The following CSMD1 variants were observed in gnomAD, a reference collection of about 807,000 sequenced individuals.
CSMD1 encodes CUB and sushi domain-containing protein 1.
A neutral mutation model predicts 417.5 loss-of-function variants in CSMD1; 213 were observed. The ratio of observed to expected loss-of-function variants is 0.51; its 90% confidence interval spans 0.46 to 0.57. The LOEUF (loss-of-function observed/expected upper bound fraction) is 0.57, where lower values mean the gene tolerates loss of function less well. CSMD1 is among the 20% of genes least tolerant of loss of function. The pLI is 0.00. For synonymous variants in CSMD1, 2,862 were observed against 1,736.8 expected (o/e 1.65, Z -16.11); for missense variants, 6,923 against 4,529.7 (o/e 1.53, Z -15.17).
intron 2 of CSMD1, among the ~76,000 whole-genome samples, chr8:4,453,480 G>T (rs565077957): frequency 8.5e-5 from 13 of 152,272 alleles, no homozygotes; most frequent in African/African-American, 3.1e-4. Context: ...AAGTCTGGCT[G>T]AATTCAAAGC....
intron 50 of CSMD1, among the ~76,000 whole-genome samples, chr8:3,043,103 G>T (rs750780682): frequency 1.3e-5 from 2 of 148,394 alleles, no homozygotes; most frequent in Non-Finnish European, 3.0e-5. Flanking sequence ...TACAGTACTA[G>T]GTCACTATGG....
At chr8:3,730,050 G>C (rs1035814421) in intron 6 of CSMD1, among the ~76,000 whole-genome samples, 1 of 150,812 alleles carries the variant, frequency 6.6e-6, no homozygotes, top group East Asian at 1.9e-4. Context: ...GTTTCCACAG[G>C]TCCTCTACCT....
intron 10 of CSMD1, among the ~76,000 whole-genome samples, chr8:3,539,428 T>C (rs911337087): frequency 6.6e-6 from 1 of 152,206 alleles, no homozygotes; most frequent in Non-Finnish European, 1.5e-5. Context: ...CATTAGATTA[T>C]ACATCATGAT....
At chr8:3,713,595 C>T (rs1585119691) in intron 6 of CSMD1, among the ~76,000 whole-genome samples, 1 of 152,284 alleles carries the variant, frequency 6.6e-6, no homozygotes, top group Middle Eastern at 3.4e-3. Flanking sequence ...GTATCTTCTG[C>T]TCTTAATACA....
chr8:4,536,127 G>A (rs917304410), intron 2 of CSMD1, among the ~76,000 whole-genome samples: 3 of 152,126 alleles, frequency 2.0e-5, no homozygotes, highest in African/African-American at 7.2e-5. Context: ...ACTTGACAAG[G>A]TTCCTTTCTG....
At chr8:4,931,409 G>T (rs568455323) in intron 1 of CSMD1, among the ~76,000 whole-genome samples, 1 of 152,190 alleles carries the variant, frequency 6.6e-6, no homozygotes, top group East Asian at 1.9e-4. Context: ...ACTGACTCGG[G>T]TCTTTGCTGG....
intron 2 of CSMD1, among the ~76,000 whole-genome samples, chr8:4,505,941 G>A (rs1802502508): frequency 6.6e-6 from 1 of 152,044 alleles, no homozygotes; most frequent in Admixed American, 6.6e-5. Context: ...TGGGATTACA[G>A]GTGCATGTCA....
chr8:3,795,305 TATCTATCATGTACAGATATAG>T (rs1800007633), intron 5 of CSMD1, among the ~76,000 whole-genome samples: 1 of 69,374 alleles, frequency 1.4e-5, no homozygotes, highest in Non-Finnish European at 2.7e-5. Context: ...CAGATATATA[TATCTATCATGTACAGATATAG>T]ATATCTATCA....
At chr8:3,126,440 T>C (rs1444463725) in intron 41 of CSMD1, among the ~76,000 whole-genome samples, 5 of 152,156 alleles carry the variant, frequency 3.3e-5, no homozygotes, top group South Asian at 2.1e-4. Context: ...CTACAGAGAA[T>C]AGGGCTGCAG....
chr8:3,497,922 T>C (rs547226924), intron 10 of CSMD1, among the ~76,000 whole-genome samples: 20 of 152,344 alleles, frequency 1.3e-4, no homozygotes, highest in African/African-American at 4.6e-4. Flanking sequence ...TTCACAATGG[T>C]GGTTATCACC....
At position 3,106,559 on chromosome 8, in the gene CSMD1, C is replaced by G; in HGVS notation, c.6918G>C (p.Leu2306Phe). The G allele has an allele frequency of 6.2e-7, 1 of 1,613,738 alleles. No homozygotes were observed. The highest frequency in any genetic ancestry group is 8.5e-7 in the Non-Finnish European group (1 of 1,179,736). The change falls in exon 46 of 70, where the codon TTG becomes TTC. Residue 2306 changes from leucine (L) to phenylalanine (F), a missense_variant. Coordinates refer to ENST00000635120, the MANE Select transcript of CSMD1 (RefSeq NM_033225.6). ...ATGTTGGGAGAGAACCCTCAAACTG[C>G]AACTGGGAACTGAGCTTGCAAGTCA... ...DILTCKLSSQLQFEGSLPTCE... is the reference protein window; with the variant it reads ...DILTCKLSSQFQFEGSLPTCE...
At chr8:3,764,752 T>A (rs1178764645) in intron 5 of CSMD1, among the ~76,000 whole-genome samples, 1 of 150,364 alleles carries the variant, frequency 6.7e-6, no homozygotes, top group Non-Finnish European at 1.5e-5. Flanking sequence ...TTTTTTTTTT[T>A]TTTTTTTATT....
In CSMD1 at chr8:3,795,116, A is replaced by ATAGC. The variant is rs1554439935; in HGVS notation, c.819-41075_819-41074insGCTA. Among the ~76,000 whole-genome samples the ATAGC allele has an allele frequency of 2.5e-4, 18 of 71,218 alleles. 1 individual carries two copies. Among genetic ancestry groups the ATAGC allele is most frequent in the African/African-American group, 2.8e-4 (5 of 18,014 alleles). 46.7% of individuals were successfully genotyped at this position (71,218 alleles called of 152,430 possible). ...ATATATCTATCATGTACAGCTATAG[A>ATAGC]TATCTATCATGTACAGCTATAGATA... is the stretch of plus-strand genomic sequence containing the variant. On this transcript the variant is annotated intron_variant, in intron 5 of 69. Transcript: ENST00000635120.
At position 4,257,029 on chromosome 8, in the gene CSMD1, C is replaced by T. The variant is rs140992788; in HGVS notation, c.415+162924G>A. On this transcript the variant is annotated intron_variant, in intron 3 of 69. Coordinates refer to ENST00000635120, the MANE Select transcript of CSMD1 (RefSeq NM_033225.6). The stretch of plus-strand genomic sequence containing the variant: ...ATGATGCAAGCTACTGGGATCAAGC[C>T]ATCTAGGAAAAGTGCCTGTGTCATC... Among the ~76,000 whole-genome samples, 496 of 152,234 alleles carry T rather than the reference C, an allele frequency of 3.3e-3. 2 individuals are homozygous for T. Among genetic ancestry groups the T allele is most frequent in the African/African-American group, 0.011 (469 of 41,538 alleles).
At chr8:4,543,895 G>A (rs893837090) in intron 2 of CSMD1, among the ~76,000 whole-genome samples, 4 of 152,022 alleles carry the variant, frequency 2.6e-5, no homozygotes, top group Non-Finnish European at 5.9e-5. Context: ...GATGTGGAGC[G>A]CCTTTTCATA....
intron 3 of CSMD1, among the ~76,000 whole-genome samples, chr8:4,084,051 G>C (rs557875435): frequency 1.3e-5 from 2 of 152,084 alleles, no homozygotes; most frequent in Non-Finnish European, 2.9e-5. Context: ...TTTAAAATTA[G>C]TAGATCAAAT....
Position 3,359,269 on chromosome 8 carries a change from C to A in CSMD1, c.3187G>T (p.Val1063Leu). 1.2e-6 allele frequency: 2 copies of A among 1,613,916 alleles called. No individual in the cohort carries two copies. The highest frequency in any genetic ancestry group is 1.6e-4 in the Middle Eastern group (1 of 6,062). Reference protein sequence around the residue: ...FSRRIGFHFGVGDSLTFSCFL... With the variant: ...FSRRIGFHFGLGDSLTFSCFL... ...CAGGAAAACGTCAGAGAGTCTCCCA[C>A]ACCAAAGTGAAAACCAATTCTTCGG... The change falls in exon 21 of 70, where the codon GTG (valine) becomes TTG (leucine). Residue 1063 changes from valine to leucine, a missense_variant. Physicochemically the swap from Val to Leu is conservative, Grantham distance 32 (BLOSUM62 1). Coordinates refer to ENST00000635120, the MANE Select transcript of CSMD1 (RefSeq NM_033225.6).
chr8:4,366,617 C>T (rs923889373), intron 3 of CSMD1, among the ~76,000 whole-genome samples: 1 of 151,930 alleles, frequency 6.6e-6, no homozygotes, highest in African/African-American at 2.4e-5. Context: ...TTATTAACAG[C>T]AATTTTGACT....
intron 2 of CSMD1, among the ~76,000 whole-genome samples, chr8:4,511,488 G>A (rs547646635): frequency 6.6e-6 from 1 of 152,332 alleles, no homozygotes; most frequent in Admixed American, 6.5e-5. Context: ...CAGCATGTAA[G>A]AAGCTGGAAG....
Sources: gnomAD v4.1 joint callset for allele counts (sites outside exome capture counted in the v4.1 genomes callset) on GRCh38, gnomAD v4.1.1 for gene constraint, MANE v1.5 for transcripts, NCBI Gene and HGNC (gene_info 2026-07-23, HGNC 2026-07-21) for gene names.